The following DNAJC17 variants were observed in gnomAD, a reference collection of about 807,000 sequenced individuals.
The protein encoded by DNAJC17 is dnaJ homolog subfamily C member 17.
A neutral mutation model predicts 48.1 loss-of-function variants in DNAJC17; 35 were observed. That is an observed-to-expected ratio of 0.73 (90% confidence interval 0.56 to 0.96). The LOEUF (loss-of-function observed/expected upper bound fraction) is 0.96. Among genes scored for constraint, DNAJC17 ranks in the 50% least tolerant of loss-of-function variants. The probability of loss-of-function intolerance (pLI) is 0.00; values close to 1 mark genes in which losing one functional copy is unlikely to be tolerated. For synonymous variants in DNAJC17, 117 were observed against 142.7 expected, an observed-to-expected ratio of 0.82 and a Z score of 1.28; for missense variants, 355 against 377.1, an observed-to-expected ratio of 0.94 and a Z score of 0.48.
rs566666676 is a variant in DNAJC17, at chr15:40,807,115, T to C, written c.78+254A>G. On this transcript the variant is annotated intron_variant, in intron 1 of 10. Transcript: ENST00000220496. ...TTCCTTGCTGCCTCGCCCCGCGGCC[T>C]CTAGGAGACAGGGGCCACGGGGAGA... The C allele has an allele frequency of 3.6e-3, 3,173 of 871,084 alleles. 7 individuals carry two copies. Among genetic ancestry groups the C allele is most frequent in the Non-Finnish European group, 4.3e-3 (2,545 of 585,482 alleles). 54.0% of individuals were successfully genotyped at this position (871,084 alleles called of 1,614,324 possible).
intron 7 of DNAJC17, 52 bp from the exon 8 acceptor site, chr15:40,775,160 C>G (rs747020365): frequency 1.3e-6 from 2 of 1,586,844 alleles, no homozygotes; most frequent in South Asian, 1.1e-5. Context: ...AGTACCTCAC[C>G]CCACGACTGA....
intron 1 of DNAJC17, chr15:40,780,476 G>T: frequency 5.3e-6 from 2 of 378,470 alleles, no homozygotes; most frequent in Non-Finnish European, 1.1e-5. Context: ...CAACACTGTT[G>T]ATACTAGCCA....
intron 1 of DNAJC17, chr15:40,807,127 G>C: frequency 1.0e-6 from 1 of 975,846 alleles, no homozygotes; most frequent in Non-Finnish European, 1.5e-6. Context: ...TAGGAGACAG[G>C]GGCCACGGGG....
intron 8 of DNAJC17, among the ~76,000 whole-genome samples, chr15:40,774,783 C>T (rs1889271102): frequency 6.6e-6 from 1 of 152,220 alleles, no homozygotes; most frequent in Non-Finnish European, 1.5e-5. Context: ...AAGCTCTTTG[C>T]TTCTAAGGGT....
intron 1 of DNAJC17, among the ~76,000 whole-genome samples, chr15:40,805,102 G>C (rs536773617): frequency 4.1e-4 from 63 of 152,242 alleles, no homozygotes; most frequent in African/African-American, 1.5e-3. Flanking sequence ...TGCAGGCAGG[G>C]CATAGTGGCT....
Position 40,771,152 on chromosome 15 carries a change from G to T in DNAJC17, c.792+2575C>A, listed in dbSNP as rs551628510. The T allele has an allele frequency of 1.4e-4, 119 of 878,172 alleles. No homozygotes were observed. The African/African-American group carries it at 1.8e-3, about 13-fold the overall frequency. 54.4% of individuals were successfully genotyped at this position (878,172 alleles called of 1,614,324 possible). On this transcript the variant is annotated intron_variant, in intron 10 of 10. Coordinates refer to ENST00000220496, the MANE Select transcript of DNAJC17 (RefSeq NM_018163.3). ...GCAGGCAGAGCTTCTTCATCCTGGG[G>T]GAGGATTCCAGGATAGGAATCCAGG...
At position 40,775,046 on chromosome 15, in the gene DNAJC17, T is replaced by C; in HGVS notation, c.585A>G (p.Leu195=). ...SKGGYSKDVL[L]RLLQKYGEVL... ...CAGGGCCGACCTTCTGCAAAAGCCGTAGGAGGACGTCTTTGGAGTAGCCAC... is the reference window on the plus strand; with the variant it reads ...CAGGGCCGACCTTCTGCAAAAGCCGCAGGAGGACGTCTTTGGAGTAGCCAC... The change falls in exon 8 of 11, where the codon CTA becomes CTG. Residue 195 remains leucine, a synonymous_variant. Transcript: ENST00000220496. The C allele has an allele frequency of 1.2e-6, 2 of 1,614,198 alleles. No individual in the cohort carries two copies. Among genetic ancestry groups the C allele is most frequent in the Non-Finnish European group, 1.7e-6 (2 of 1,180,026 alleles).
intron 4 of DNAJC17, chr15:40,776,835 AG>A (rs1889340716): frequency 1.8e-6 from 1 of 559,956 alleles, no homozygotes; most frequent in African/African-American, 1.9e-5. Context: ...CAGAGTGGCC[AG>A]GGGTCTGGAA....
At chr15:40,775,477 C>T in intron 7 of DNAJC17, 76 bp downstream of exon 7, 1 of 1,527,540 alleles carries the variant, frequency 6.5e-7, no homozygotes, top group East Asian at 2.3e-5. Context: ...AACCCTCGAG[C>T]CACAGGAAGC....
chr15:40,783,391 C>T (rs1241472397), intron 1 of DNAJC17, among the ~76,000 whole-genome samples: 1 of 152,196 alleles, frequency 6.6e-6, no homozygotes, highest in East Asian at 1.9e-4. Flanking sequence ...TATCTCCACC[C>T]TCTCTCTGGG....
chr15:40,775,164 C>A, intron 7 of DNAJC17, 56 bp from the exon 8 acceptor site: 3 of 1,579,926 alleles, frequency 1.9e-6, no homozygotes, highest in Non-Finnish European at 2.6e-6. Flanking sequence ...CCTCACCCCA[C>A]GACTGAGCTT....
chr15:40,772,931 C>T (rs1259865264), intron 10 of DNAJC17, among the ~76,000 whole-genome samples: 2 of 151,652 alleles, frequency 1.3e-5, no homozygotes, highest in East Asian at 1.9e-4. Context: ...GGCACCACCC[C>T]GTGTCAGCAG....
chr15:40,802,955 T>G (rs946441881), intron 1 of DNAJC17, among the ~76,000 whole-genome samples: 1 of 151,970 alleles, frequency 6.6e-6, no homozygotes, highest in Non-Finnish European at 1.5e-5. Context: ...ATACAAAAAT[T>G]AGCCAGGCAT....
intron 3 of DNAJC17, 85 bp downstream of exon 3, chr15:40,779,460 T>C (rs189233959): frequency 3.1e-6 from 5 of 1,588,090 alleles, no homozygotes; most frequent in African/African-American, 1.3e-5. Context: ...CTGTGCCACA[T>C]GGCAAAGGGC....
chr15:40,776,019 G>A (rs950433193), intron 6 of DNAJC17, among the ~76,000 whole-genome samples, 177 bp downstream of exon 6: 6 of 152,172 alleles, frequency 3.9e-5, no homozygotes, highest in African/African-American at 1.4e-4. Context: ...ATAGGCCCCA[G>A]AGAACTGGGA....
chr15:40,801,778 T>G (rs1376041166), intron 1 of DNAJC17, among the ~76,000 whole-genome samples: 1 of 151,708 alleles, frequency 6.6e-6, no homozygotes, highest in African/African-American at 2.4e-5. Context: ...GAAATTCTAT[T>G]GAGTATTTTA....
intron 10 of DNAJC17, among the ~76,000 whole-genome samples, chr15:40,772,723 A>G (rs950026338): frequency 6.6e-6 from 1 of 152,198 alleles, no homozygotes; most frequent in Non-Finnish European, 1.5e-5. Flanking sequence ...ACTGCAGAGA[A>G]GGGAAGAACC....
At chr15:40,794,091 C>A (rs772850097) in intron 1 of DNAJC17, among the ~76,000 whole-genome samples, 3 of 152,184 alleles carry the variant, frequency 2.0e-5, no homozygotes, top group Non-Finnish European at 2.9e-5. Flanking sequence ...AAAACTGTTA[C>A]TTTCAATCCC....
intron 1 of DNAJC17, among the ~76,000 whole-genome samples, chr15:40,781,370 T>C (rs1324883828): frequency 6.7e-6 from 1 of 148,172 alleles, no homozygotes; most frequent in Non-Finnish European, 1.5e-5. Context: ...CATGGTGGCG[T>C]GCACCTGTAG....
Sources: allele counts gnomAD v4.1 joint callset (sites outside exome capture counted in the v4.1 genomes callset), GRCh38; gene constraint gnomAD v4.1.1; transcripts MANE v1.5; gene names NCBI Gene and HGNC (gene_info 2026-07-23, HGNC 2026-07-21).